Variants in LRRIQ1 observed in about 807,000 individuals in gnomAD.
LRRIQ1 encodes leucine-rich repeat- and IQ domain-containing protein 1.
LRRIQ1 carries 210 observed loss-of-function variants against 211.9 expected under a neutral mutation model. The ratio of observed to expected loss-of-function variants is 0.99; its 90% CI spans 0.89 to 1.11. LRRIQ1 has a LOEUF of 1.11. Ranked by LOEUF, LRRIQ1 falls within the 50% of genes most tolerant of loss-of-function variation. The probability of loss-of-function intolerance (pLI) is 0.00; values close to 1 mark genes in which losing one functional copy is unlikely to be tolerated. For synonymous variants in LRRIQ1, 699 were observed against 650.1 expected (o/e 1.08, Z -1.14); for missense variants, 2,136 against 1,939.5 (o/e 1.10, Z -1.90).
In LRRIQ1 at chr12:85,102,538, T is replaced by C. The variant is rs766327045; in HGVS notation, c.3210-1466T>C. ...CTCCCAGCCTCATTATATCATCTAC[T>C]TTTTCATCAGTAGTGTATCTTCTTT... On this transcript the variant is annotated intron_variant, in intron 13 of 26. Coordinates refer to ENST00000393217, the MANE Select transcript of LRRIQ1 (RefSeq NM_001079910.2). Among the ~76,000 whole-genome samples, 11 of 151,758 alleles carry C rather than the reference T, an allele frequency of 7.2e-5. 1 individual carries two copies. The highest frequency in any genetic ancestry group is 2.7e-4 in the African/African-American group (11 of 41,380).
rs1465077422 is a variant in LRRIQ1, at chr12:85,193,256, T to C, written c.4822+32542T>C. On this transcript the variant is annotated intron_variant, in intron 24 of 26. Transcript: ENST00000393217. ...AAGTTGGAAAACACTCTGCAGGATATTATCCAGGAGAACTTCCCCAATCTA... is the reference window on the plus strand; with the variant it reads ...AAGTTGGAAAACACTCTGCAGGATACTATCCAGGAGAACTTCCCCAATCTA... 4.0e-5 allele frequency among the ~76,000 whole-genome samples: 5 copies of C among 125,676 alleles called. No individual in the cohort carries two copies. In the Admixed American group the frequency reaches 5.2e-4, roughly 13 times the overall value. The allele number at this position is 125,676 out of a possible 152,430, so 82.4% of individuals were successfully genotyped here. A position where few individuals can be genotyped will look rare whatever the true frequency, so the allele number is the denominator to read the frequency against.
chr12:85,056,410 AATC>A lies in LRRIQ1; in HGVS notation c.1620_1622del (p.Ile540del). ...AGTCTGATGCACAAAAAGAAGAAAAAATCATGAAACATGTCATAAATGAGAATA... is the reference window on the plus strand; with the variant it reads ...AGTCTGATGCACAAAAAGAAGAAAAAATGAAACATGTCATAAATGAGAATA... On this transcript the variant is annotated inframe_deletion, in exon 8 of 27. Transcript: ENST00000393217. The A allele has an allele frequency of 6.3e-7, 1 of 1,588,172 alleles. No individual in the cohort carries two copies. Among genetic ancestry groups the A allele is most frequent in the South Asian group, 1.2e-5 (1 of 84,452 alleles).
At chr12:85,195,366 A>AC (rs1443518399) in intron 24 of LRRIQ1, among the ~76,000 whole-genome samples, 2 of 149,568 alleles carry the variant, frequency 1.3e-5, no homozygotes, top group Non-Finnish European at 2.9e-5. Flanking sequence ...CAGACACACA[A>AC]CAAAAAAAAG....
chr12:85,231,039 C>T (rs1045713485), intron 25 of LRRIQ1, among the ~76,000 whole-genome samples: 1 of 150,994 alleles, frequency 6.6e-6, no homozygotes, highest in Non-Finnish European at 1.5e-5. Flanking sequence ...CAGAGCCAGA[C>T]TCCACCTCAA....
intron 24 of LRRIQ1, among the ~76,000 whole-genome samples, chr12:85,216,537 A>G (rs1346549023): frequency 6.6e-6 from 1 of 150,834 alleles, no homozygotes; most frequent in Non-Finnish European, 1.5e-5. Flanking sequence ...TAGTATATTT[A>G]TAAATCTTGC....
At chr12:85,232,402 T>C (rs1446726450) in intron 25 of LRRIQ1, among the ~76,000 whole-genome samples, 2 of 152,142 alleles carry the variant, frequency 1.3e-5, no homozygotes, top group South Asian at 2.1e-4. Flanking sequence ...CTATAATTTG[T>C]TAACCATCTT....
At chr12:85,144,379 T>A in intron 19 of LRRIQ1, among the ~76,000 whole-genome samples, 1 of 151,538 alleles carries the variant, frequency 6.6e-6, no homozygotes, top group East Asian at 1.9e-4. Flanking sequence ...TATAAATATA[T>A]AGTAGAAAAT....
intron 26 of LRRIQ1, among the ~76,000 whole-genome samples, chr12:85,239,519 A>G (rs959811532): frequency 2.0e-5 from 3 of 151,908 alleles, no homozygotes; most frequent in Admixed American, 6.6e-5. Context: ...GATTTTTTAT[A>G]AAGTATCAAA....
At chr12:85,209,252 G>A (rs1024391122) in intron 24 of LRRIQ1, among the ~76,000 whole-genome samples, 1 of 152,156 alleles carries the variant, frequency 6.6e-6, no homozygotes, top group African/African-American at 2.4e-5. Flanking sequence ...GGCTGGGGAG[G>A]CCTCAGGAAA....
intron 19 of LRRIQ1, among the ~76,000 whole-genome samples, chr12:85,150,360 CA>C (rs1363227324): frequency 6.6e-6 from 1 of 151,514 alleles, no homozygotes; most frequent in Admixed American, 6.6e-5. Context: ...AAAGAAAAAA[CA>C]AAAAAACTCT....
intron 11 of LRRIQ1, among the ~76,000 whole-genome samples, chr12:85,092,802 G>A (rs568452452): frequency 1.0e-3 from 156 of 152,292 alleles, no homozygotes; most frequent in African/African-American, 3.4e-3. Flanking sequence ...TGCCTGCGCC[G>A]ACGGCATCAT....
intron 24 of LRRIQ1, among the ~76,000 whole-genome samples, chr12:85,182,236 C>T (rs564711959): frequency 4.4e-4 from 67 of 152,020 alleles, no homozygotes; most frequent in South Asian, 1.9e-3. Flanking sequence ...AAAGGTCATC[C>T]GATCATCTCT....
intron 24 of LRRIQ1, among the ~76,000 whole-genome samples, chr12:85,206,596 T>C (rs1205557090): frequency 6.6e-6 from 1 of 152,080 alleles, no homozygotes; most frequent in African/African-American, 2.4e-5. Flanking sequence ...GGGGTGCTCC[T>C]GCATGAGTGA....
chr12:85,102,135 A>G (rs571938596), intron 13 of LRRIQ1, among the ~76,000 whole-genome samples: 11 of 151,604 alleles, frequency 7.3e-5, no homozygotes, highest in African/African-American at 2.7e-4. Context: ...AATTATATTT[A>G]TATATATATT....
intron 4 of LRRIQ1, 95 bp downstream of exon 4, chr12:85,044,904 T>C: frequency 2.1e-6 from 1 of 487,636 alleles, no homozygotes; most frequent in African/African-American, 2.0e-5. Flanking sequence ...TTAAGTTCAC[T>C]GATTTAAATA....
chr12:85,126,102 C>T (rs1186286456), intron 17 of LRRIQ1, among the ~76,000 whole-genome samples: 2 of 152,074 alleles, frequency 1.3e-5, no homozygotes, highest in African/African-American at 4.8e-5. Context: ...TTTTCTTAAC[C>T]TGTAGTGCAC....
intron 13 of LRRIQ1, among the ~76,000 whole-genome samples, chr12:85,102,537 C>T (rs1333331212): frequency 6.6e-6 from 1 of 151,712 alleles, no homozygotes; most frequent in Non-Finnish European, 1.5e-5. Context: ...ATATCATCTA[C>T]TTTTTCATCA....
intron 24 of LRRIQ1, among the ~76,000 whole-genome samples, chr12:85,182,714 G>A (rs11609649): frequency 0.13 from 19,196 of 152,106 alleles, 1,653 homozygotes; most frequent in Middle Eastern, 0.19. Context: ...CATGTAAAAT[G>A]AGTAGGTTAC....
At chr12:85,159,694 G>A (rs946657879) in intron 23 of LRRIQ1, among the ~76,000 whole-genome samples, 4 of 151,882 alleles carry the variant, frequency 2.6e-5, no homozygotes, top group African/African-American at 9.7e-5. Flanking sequence ...ATAAGACACC[G>A]AACAGTTTGC....
Sources: gnomAD v4.1 joint callset for allele counts (sites outside exome capture counted in the v4.1 genomes callset) on GRCh38, gnomAD v4.1.1 for gene constraint, MANE v1.5 for transcripts, NCBI Gene and HGNC (gene_info 2026-07-23, HGNC 2026-07-21) for gene names.